Variants in SLC49A4 observed in about 807,000 individuals in gnomAD.
SLC49A4 encodes disrupted in renal cancer protein 2.
A neutral mutation model predicts 50.6 loss-of-function variants in SLC49A4; 36 were observed. The ratio of observed to expected loss-of-function variants is 0.71; its 90% confidence interval spans 0.55 to 0.94. The LOEUF (loss-of-function observed/expected upper bound fraction) is 0.94. SLC49A4 is among the 40% of genes least tolerant of loss of function. The pLI is 0.00. For missense variants in SLC49A4, 503 were observed against 605.7 expected (o/e 0.83, Z 1.78); for synonymous variants, 248 against 241.2 (o/e 1.03, Z -0.26).
chr3:122,879,507 G>A lies in SLC49A4; in HGVS notation c.*129G>A. 1.4e-6 allele frequency: 1 copy of A among 690,890 alleles called. No individual in the cohort carries two copies. Among genetic ancestry groups the A allele is most frequent in the Non-Finnish European group, 2.5e-6 (1 of 405,254 alleles). 42.8% of individuals were successfully genotyped at this position (690,890 alleles called of 1,614,324 possible). The stretch of plus-strand genomic sequence containing the variant: ...AAACTTCATTCAGAGGTTTTGTTAG[G>A]TTACAGATTATCACATTAATTTAAT... On this transcript the variant is annotated 3_prime_UTR_variant, in exon 9 of 9. Transcript: ENST00000261038.
chr3:122,801,625 A>G (rs1359782936), intron 1 of SLC49A4, among the ~76,000 whole-genome samples: 1 of 152,180 alleles, frequency 6.6e-6, no homozygotes, highest in Non-Finnish European at 1.5e-5. Context: ...TATGACATGG[A>G]TGTAGTTGTG....
chr3:122,798,642 T>TTTC, intron 1 of SLC49A4, among the ~76,000 whole-genome samples: 1 of 125,846 alleles, frequency 7.9e-6, no homozygotes, highest in Non-Finnish European at 1.7e-5. Context: ...ATCTTTTTTT[T>TTTC]TTTTTTTTTT....
At chr3:122,811,056 AG>A (rs1188474397) in intron 2 of SLC49A4, among the ~76,000 whole-genome samples, 1 of 152,254 alleles carries the variant, frequency 6.6e-6, no homozygotes, top group African/African-American at 2.4e-5. Flanking sequence ...AAGCCATAAA[AG>A]AAAGCCTTGA....
intron 6 of SLC49A4, among the ~76,000 whole-genome samples, chr3:122,859,177 A>G (rs912564591): frequency 6.6e-6 from 1 of 152,188 alleles, no homozygotes; most frequent in Non-Finnish European, 1.5e-5. Flanking sequence ...TGAGACCTGA[A>G]TGACCTGAGG....
chr3:122,860,076 T>G lies in SLC49A4; in HGVS notation c.1012T>G (p.Phe338Val). The change falls in exon 7 of 9, where the codon TTT becomes GTT. Residue 338 changes from phenylalanine (F) to valine (V), a missense_variant and splice_region_variant. Coordinates refer to ENST00000261038, the MANE Select transcript of SLC49A4 (RefSeq NM_032839.3). The stretch of plus-strand genomic sequence containing the variant: ...TTAATAGAGCATTTTTGTTTTTAGG[T>G]TTGCAGATTTTATCAGGGGTATGCT... Reference protein sequence around the residue: ...GCVVGIAMARFADFIRGMLKL... With the variant: ...GCVVGIAMARVADFIRGMLKL... The G allele has an allele frequency of 6.2e-7, 1 of 1,604,284 alleles. No homozygotes were observed. Among genetic ancestry groups the G allele is most frequent in the South Asian group, 1.1e-5 (1 of 88,838 alleles).
At chr3:122,860,272 T>C in intron 7 of SLC49A4, 70 bp downstream of exon 7, 1 of 1,349,050 alleles carries the variant, frequency 7.4e-7, no homozygotes, top group Admixed American at 2.8e-5. Context: ...ACTCTGACAG[T>C]AGGACTTCTT....
chr3:122,820,050 C>T lies in SLC49A4; in HGVS notation c.438-6750C>T, dbSNP rs944489429. On this transcript the variant is annotated intron_variant, in intron 2 of 8. Transcript: ENST00000261038. ...CTGCCAGATTTCTAAAAAGCCAACTCGAATGTTAGCATCAATGTTAGTCAT... is the reference window on the plus strand; with the variant it reads ...CTGCCAGATTTCTAAAAAGCCAACTTGAATGTTAGCATCAATGTTAGTCAT... Among the ~76,000 whole-genome samples the T allele has an allele frequency of 7.2e-5, 11 of 151,976 alleles. 1 individual carries two copies. The highest frequency in any genetic ancestry group is 3.2e-3 in the Middle Eastern group (1 of 316).
chr3:122,844,496 A>C (rs1173123294), intron 4 of SLC49A4, among the ~76,000 whole-genome samples: 1 of 152,194 alleles, frequency 6.6e-6, no homozygotes, highest in Admixed American at 6.5e-5. Flanking sequence ...AATTTCAAGA[A>C]GCGAGCCAGG....
intron 6 of SLC49A4, among the ~76,000 whole-genome samples, chr3:122,856,880 C>T (rs969453963): frequency 6.6e-6 from 1 of 151,536 alleles, no homozygotes; most frequent in Non-Finnish European, 1.5e-5. Context: ...GAAAGTTTCT[C>T]TGGAGTATCC....
intron 2 of SLC49A4, among the ~76,000 whole-genome samples, chr3:122,808,479 C>A (rs984016979): frequency 6.6e-6 from 1 of 152,030 alleles, no homozygotes; most frequent in Non-Finnish European, 1.5e-5. Context: ...GAGAGAACCG[C>A]AAGAGTTCAG....
At chr3:122,809,927 C>T (rs1344450495) in intron 2 of SLC49A4, among the ~76,000 whole-genome samples, 2 of 152,134 alleles carry the variant, frequency 1.3e-5, no homozygotes, top group Non-Finnish European at 2.9e-5. Flanking sequence ...GTGTTGTTAA[C>T]AATGCATGAT....
At chr3:122,847,588 G>T (rs567352614) in intron 5 of SLC49A4, among the ~76,000 whole-genome samples, 1 of 151,696 alleles carries the variant, frequency 6.6e-6, no homozygotes, top group South Asian at 2.1e-4. Context: ...CTCGTGATCC[G>T]CCCACCTAAG....
intron 2 of SLC49A4, among the ~76,000 whole-genome samples, chr3:122,814,351 C>T (rs528150812): frequency 5.9e-4 from 90 of 152,302 alleles, no homozygotes; most frequent in African/African-American, 2.2e-3. Context: ...ATTTTGACAA[C>T]ATTTTCCAGC....
intron 1 of SLC49A4, among the ~76,000 whole-genome samples, chr3:122,805,539 T>C (rs1936206005): frequency 6.6e-6 from 1 of 152,154 alleles, no homozygotes; most frequent in East Asian, 1.9e-4. Flanking sequence ...ATTACATCAG[T>C]CAGTTTATGT....
rs1258354165 is a variant in SLC49A4, at chr3:122,880,690, A to G, written c.*1312A>G. ...AACCTTCATTGTCAGCTAAGTATAT[A>G]TACTTTTGTGTTTTCCTGGACAGAG... On this transcript the variant is annotated 3_prime_UTR_variant, in exon 9 of 9. Coordinates refer to ENST00000261038, the MANE Select transcript of SLC49A4 (RefSeq NM_032839.3). 2.6e-5 allele frequency: 4 copies of G among 152,182 alleles called. No homozygotes were observed. The highest frequency in any genetic ancestry group is 5.9e-5 in the Non-Finnish European group (4 of 68,096). The allele number at this position is 152,182 out of a possible 1,614,324, so 9.4% of individuals were successfully genotyped here.
intron 3 of SLC49A4, among the ~76,000 whole-genome samples, chr3:122,827,666 C>A (rs1177764203): frequency 6.6e-6 from 1 of 152,232 alleles, no homozygotes; most frequent in Non-Finnish European, 1.5e-5. Context: ...TATAGCCCCT[C>A]TCTCTATATC....
chr3:122,821,475 GCA>G (rs1370080378), intron 2 of SLC49A4, among the ~76,000 whole-genome samples: 1 of 152,184 alleles, frequency 6.6e-6, no homozygotes, highest in Non-Finnish European at 1.5e-5. Flanking sequence ...GAAGGAGGAG[GCA>G]CACATCTGCT....
rs184825182 is a variant in SLC49A4, at chr3:122,828,547, A to G, written c.703+1482A>G. On this transcript the variant is annotated intron_variant, in intron 3 of 8. Coordinates refer to ENST00000261038, the MANE Select transcript of SLC49A4 (RefSeq NM_032839.3). ...AGAGTACTAGTAGGTGAAGCTAGAG[A>G]GGAAGGCAAGCCCCACGCAAACCTT... 5.4e-4 allele frequency among the ~76,000 whole-genome samples: 82 copies of G among 152,324 alleles called. 4 individuals carry two copies. The East Asian group carries it at 9.1e-3, about 17-fold the overall frequency.
intron 3 of SLC49A4, among the ~76,000 whole-genome samples, chr3:122,831,238 CAA>C (rs1162543824): frequency 2.0e-5 from 3 of 152,006 alleles, no homozygotes; most frequent in Non-Finnish European, 4.4e-5. Flanking sequence ...AAATGTTAAA[CAA>C]AGATTACCAT....
Sources: allele counts gnomAD v4.1 joint callset (sites outside exome capture counted in the v4.1 genomes callset), GRCh38; gene constraint gnomAD v4.1.1; transcripts MANE v1.5; gene names NCBI Gene and HGNC (gene_info 2026-07-23, HGNC 2026-07-21).